SLC16A10: variants seen among roughly 807,000 people sequenced by gnomAD.
SLC16A10 encodes the protein solute carrier family 16 member 10.
SLC16A10 carries 27 observed loss-of-function variants against 40.0 expected under a neutral mutation model. That is an observed-to-expected ratio of 0.67 (90% confidence interval 0.50 to 0.93). The LOEUF is 0.93. Among genes scored for constraint, SLC16A10 ranks in the 40% least tolerant of loss-of-function variants. The pLI is 0.00. For missense variants in SLC16A10, 529 were observed against 658.2 expected (o/e 0.80, Z 2.15); for synonymous variants, 213 against 249.8 (o/e 0.85, Z 1.39).
Position 111,087,688 on chromosome 6 carries a change from C to G in SLC16A10, c.-65C>G, listed in dbSNP as rs1770891396. On this transcript the variant is annotated 5_prime_UTR_variant, in exon 1 of 6. Coordinates refer to ENST00000368851, the MANE Select transcript of SLC16A10 (RefSeq NM_018593.5). Reference sequence around the variant, plus strand: ...CCCGCCAGGAGCCCCGCAGCTCCTCCGGGAGCCCGCTGGTAACTCGCGTCC... The same window carrying G: ...CCCGCCAGGAGCCCCGCAGCTCCTCGGGGAGCCCGCTGGTAACTCGCGTCC... The G allele has an allele frequency of 6.1e-6, 6 of 977,244 alleles. No individual in the cohort carries two copies. The highest frequency in any genetic ancestry group is 7.8e-6 in the Non-Finnish European group (6 of 766,534). 60.5% of individuals were successfully genotyped at this position (977,244 alleles called of 1,614,324 possible). A position where few individuals can be genotyped will look rare whatever the true frequency, so the allele number is the denominator to read the frequency against.
chr6:111,162,128 T>G (rs1772382595), intron 1 of SLC16A10, among the ~76,000 whole-genome samples: 1 of 152,272 alleles, frequency 6.6e-6, no homozygotes, highest in Non-Finnish European at 1.5e-5. Flanking sequence ...TCCTCATTTT[T>G]GTTAAAAACA....
intron 3 of SLC16A10, among the ~76,000 whole-genome samples, chr6:111,194,886 C>G (rs1773055040): frequency 6.6e-6 from 1 of 152,086 alleles, no homozygotes; most frequent in East Asian, 1.9e-4. Context: ...CTCTTGAGCC[C>G]TCAGAGCTGT....
chr6:111,187,714 A>G (rs1370907975), intron 3 of SLC16A10, among the ~76,000 whole-genome samples: 2 of 152,162 alleles, frequency 1.3e-5, no homozygotes, highest in Non-Finnish European at 2.9e-5. Flanking sequence ...ACCCTGGTCA[A>G]CTCATAGGGT....
chr6:111,163,342 C>T (rs867634926), intron 1 of SLC16A10, among the ~76,000 whole-genome samples: 35 of 150,926 alleles, frequency 2.3e-4, no homozygotes, highest in Admixed American at 1.5e-3. Context: ...TTAGTAGAGA[C>T]GGGGTTTCAC....
At chr6:111,091,315 C>T (rs1770971324) in intron 1 of SLC16A10, 1 of 152,168 alleles carries the variant, frequency 6.6e-6, no homozygotes, top group African/African-American at 2.4e-5. Flanking sequence ...GTTCAAAGTG[C>T]TGCTGAAGCA....
intron 1 of SLC16A10, among the ~76,000 whole-genome samples, chr6:111,160,006 A>G (rs1036917114): frequency 6.6e-6 from 1 of 152,110 alleles, no homozygotes; most frequent in East Asian, 1.9e-4. Context: ...AGAATTTTGT[A>G]TGTAATTTAT....
At chr6:111,205,518 T>C (rs1773240160) in intron 3 of SLC16A10, among the ~76,000 whole-genome samples, 1 of 152,238 alleles carries the variant, frequency 6.6e-6, no homozygotes, top group African/African-American at 2.4e-5. Flanking sequence ...AATTAATACC[T>C]GATTGTTATT....
At chr6:111,102,166 T>G (rs912369033) in intron 1 of SLC16A10, among the ~76,000 whole-genome samples, 1 of 152,142 alleles carries the variant, frequency 6.6e-6, no homozygotes, top group Non-Finnish European at 1.5e-5. Flanking sequence ...TTTTTTCCCC[T>G]CTCTTGGATT....
At chr6:111,159,105 C>T (rs1009348224) in intron 1 of SLC16A10, among the ~76,000 whole-genome samples, 1 of 120,518 alleles carries the variant, frequency 8.3e-6, no homozygotes, top group Non-Finnish European at 1.7e-5. Flanking sequence ...AAGATGTAAA[C>T]ATTACAGGCC....
At chr6:111,156,909 G>T (rs1772280412) in intron 1 of SLC16A10, among the ~76,000 whole-genome samples, 1 of 152,054 alleles carries the variant, frequency 6.6e-6, no homozygotes, top group Non-Finnish European at 1.5e-5. Flanking sequence ...ATTCTAAAAT[G>T]AAAGTGTATT....
chr6:111,183,000 C>T lies in SLC16A10; in HGVS notation c.942+5335C>T, dbSNP rs112553679. On this transcript the variant is annotated intron_variant, in intron 3 of 5. Transcript: ENST00000368851. ...TGGTCTCTCTGTTCCTTCTCTGCCC[C>T]GCGGAGTTTGTTCTCTATGAAGAAG... Among the ~76,000 whole-genome samples, 9 of 152,282 alleles carry T rather than the reference C, an allele frequency of 5.9e-5. No homozygotes were observed. In the East Asian group the frequency reaches 1.5e-3, roughly 26 times the overall value.
intron 3 of SLC16A10, among the ~76,000 whole-genome samples, chr6:111,180,452 G>C (rs1475061255): frequency 6.6e-6 from 1 of 152,180 alleles, no homozygotes; most frequent in Non-Finnish European, 1.5e-5. Context: ...GGGAGGCTGG[G>C]GTGGAAGGAT....
intron 1 of SLC16A10, among the ~76,000 whole-genome samples, chr6:111,156,243 A>G (rs1008843855): frequency 2.6e-5 from 4 of 152,240 alleles, no homozygotes; most frequent in Admixed American, 6.5e-5. Flanking sequence ...TATGTAGGTA[A>G]ATACTTCACT....
rs1018313677 is a variant in SLC16A10 at position 111,225,146 on chromosome 6, A to G, written c.*2911A>G. The G allele has an allele frequency of 3.3e-5, 5 of 152,218 alleles. No individual in the cohort carries two copies. Among genetic ancestry groups the G allele is most frequent in the African/African-American group, 1.2e-4 (5 of 41,444 alleles). The allele number at this position is 152,218 out of a possible 1,614,324, so 9.4% of individuals were successfully genotyped here. A position where few individuals can be genotyped will look rare whatever the true frequency, so the allele number is the denominator to read the frequency against. ...TAAGCAGTAATATACCACCCAGATT[A>G]TTGATACTTTATGCAAGATGTGTTC... On this transcript the variant is annotated 3_prime_UTR_variant, in exon 6 of 6. Transcript: ENST00000368851.
At chr6:111,158,519 A>G (rs1474414048) in intron 1 of SLC16A10, among the ~76,000 whole-genome samples, 1 of 152,098 alleles carries the variant, frequency 6.6e-6, no homozygotes, top group Non-Finnish European at 1.5e-5. Flanking sequence ...CTCCTATGAG[A>G]ATCTAATGCT....
chr6:111,093,486 C>T (rs757335381), intron 1 of SLC16A10, among the ~76,000 whole-genome samples: 4 of 152,168 alleles, frequency 2.6e-5, no homozygotes, highest in Non-Finnish European at 4.4e-5. Context: ...ATTGTTCCCC[C>T]CACACCAAGT....
chr6:111,195,379 A>G (rs1199757976), intron 3 of SLC16A10, among the ~76,000 whole-genome samples: 1 of 152,028 alleles, frequency 6.6e-6, no homozygotes, highest in Non-Finnish European at 1.5e-5. Flanking sequence ...GGGGAGGGGG[A>G]AATGAGGAGT....
intron 1 of SLC16A10, among the ~76,000 whole-genome samples, chr6:111,102,937 T>TGTCA (rs1333184175): frequency 6.6e-6 from 1 of 152,226 alleles, no homozygotes; most frequent in Admixed American, 6.5e-5. Flanking sequence ...GGTCTCGCTC[T>TGTCA]GTCACCCATG....
chr6:111,142,226 G>A (rs542736395), intron 1 of SLC16A10, among the ~76,000 whole-genome samples: 1 of 152,248 alleles, frequency 6.6e-6, no homozygotes, highest in East Asian at 1.9e-4. Context: ...GACAAATACA[G>A]TTAATCTTTG....
Sources: allele counts gnomAD v4.1 joint callset (sites outside exome capture counted in the v4.1 genomes callset), GRCh38; gene constraint gnomAD v4.1.1; transcripts MANE v1.5; gene names NCBI Gene and HGNC (gene_info 2026-07-23, HGNC 2026-07-21).